Variants in GPHN observed in about 807,000 individuals in gnomAD.
GPHN encodes gephyrin.
In GPHN, 17 loss-of-function variants were observed where a neutral mutation model predicts 95.5. The observed-to-expected ratio is 0.18, with a 90% CI of 0.12 to 0.27. The LOEUF is 0.27. Among genes scored for constraint, GPHN ranks in the 10% least tolerant of loss-of-function variants. The probability of loss-of-function intolerance (pLI) is 1.00; values close to 1 mark genes in which losing one functional copy is unlikely to be tolerated. For synonymous variants in GPHN, 320 were observed against 322.5 expected, an observed-to-expected ratio of 0.99 and a Z score of 0.08; for missense variants, 660 against 978.1, an observed-to-expected ratio of 0.67 and a Z score of 4.34.
the GPHN span, among the ~76,000 whole-genome samples, chr14:67,356,774 T>C: frequency 0.15 from 23,548 of 152,094 alleles, 3,446 homozygotes; most frequent in East Asian, 0.42. Flanking sequence ...CACTGACTGG[T>C]CTCACAAGAG....
the GPHN span, among the ~76,000 whole-genome samples, chr14:67,329,275 CTT>C: frequency 1.3e-5 from 2 of 151,684 alleles, no homozygotes; most frequent in African/African-American, 4.9e-5. Flanking sequence ...TTGGCTCTCT[CTT>C]TGTCTGTTAT....
In GPHN at chr14:67,181,020, T is replaced by TC; in HGVS notation, c.*86dup. 7.4e-7 allele frequency: 1 copy of TC among 1,351,342 alleles called. No homozygotes were observed. The highest frequency in any genetic ancestry group is 1.1e-6 in the Non-Finnish European group (1 of 944,880). The allele number at this position is 1,351,342 out of a possible 1,614,324, so 83.7% of individuals were successfully genotyped here. A position where few individuals can be genotyped will look rare whatever the true frequency, so the allele number is the denominator to read the frequency against. On this transcript the variant is annotated 3_prime_UTR_variant, in exon 23 of 23. Coordinates refer to ENST00000478722, the MANE Select transcript of GPHN (RefSeq NM_020806.5). The stretch of plus-strand genomic sequence containing the variant: ...TAATATGCAACGGCACAGCTAGTTT[T>TC]CCCGATTTGGATAAAAGTTGATCTG...
the GPHN span, among the ~76,000 whole-genome samples, chr14:67,264,694 G>T: frequency 6.6e-6 from 1 of 151,778 alleles, no homozygotes; most frequent in Admixed American, 6.6e-5. Flanking sequence ...TGTTTTTTTC[G>T]AGCTCTTTTG....
At chr14:67,506,711 A>C in the GPHN span, among the ~76,000 whole-genome samples, 130,971 of 152,154 alleles carry the variant, frequency 0.86, 57,823 homozygotes, top group Non-Finnish European at 0.95. Flanking sequence ...TTGGGCCAGG[A>C]GTGGTGGCTC....
At chr14:66,767,033 C>A (rs936977559) in intron 2 of GPHN, among the ~76,000 whole-genome samples, 2 of 151,926 alleles carry the variant, frequency 1.3e-5, no homozygotes, top group African/African-American at 4.8e-5. Context: ...CCACCTTTGT[C>A]TTTATAAGTA....
intron 21 of GPHN, among the ~76,000 whole-genome samples, chr14:67,173,100 A>T (rs921462473): frequency 1.3e-5 from 2 of 152,154 alleles, no homozygotes; most frequent in African/African-American, 4.8e-5. Flanking sequence ...AAAGTCACAG[A>T]CCCTGGCTCT....
At chr14:66,595,722 G>A (rs993819067) in intron 1 of GPHN, among the ~76,000 whole-genome samples, 1 of 152,196 alleles carries the variant, frequency 6.6e-6, no homozygotes, top group Non-Finnish European at 1.5e-5. Flanking sequence ...GAGCCCCATT[G>A]AGGGTGTCAC....
chr14:67,716,268 AC>A, the GPHN span, among the ~76,000 whole-genome samples: 1 of 152,162 alleles, frequency 6.6e-6, no homozygotes, highest in East Asian at 1.9e-4. Flanking sequence ...TGACTGCTGT[AC>A]AGAAAAGGCA....
the GPHN span, chr14:67,702,048 C>G: frequency 6.6e-6 from 1 of 152,152 alleles, no homozygotes; most frequent in Admixed American, 6.5e-5. Flanking sequence ...AACTCCTGAT[C>G]TCAAATGATC....
In GPHN at chr14:66,777,083, T is replaced by TAA. The variant is rs763738096; in HGVS notation, c.201+574_201+575dup. Among the ~76,000 whole-genome samples, 540 of 107,408 alleles carry TAA rather than the reference T, an allele frequency of 5.0e-3. 1 individual carries two copies. Among genetic ancestry groups the TAA allele is most frequent in the African/African-American group, 0.017 (522 of 30,802 alleles). The allele number at this position is 107,408 out of a possible 152,430, so 70.5% of individuals were successfully genotyped here. ...ATTGATAGACCGCTAGCAAGACTAATAAAAAAAAAAAAAGAGAGAAGAATC... is the reference window on the plus strand; with the variant it reads ...ATTGATAGACCGCTAGCAAGACTAATAAAAAAAAAAAAAAAGAGAGAAGAATC... On this transcript the variant is annotated intron_variant, in intron 3 of 22. Coordinates refer to ENST00000478722, the MANE Select transcript of GPHN (RefSeq NM_020806.5).
intron 18 of GPHN, among the ~76,000 whole-genome samples, chr14:67,158,193 G>C (rs1183827987): frequency 6.6e-6 from 1 of 151,414 alleles, no homozygotes; most frequent in Non-Finnish European, 1.5e-5. Flanking sequence ...TGTAATCCCA[G>C]CTACTCGGGA....
chr14:67,083,164 C>T (rs987013899), intron 11 of GPHN, among the ~76,000 whole-genome samples: 5 of 152,244 alleles, frequency 3.3e-5, no homozygotes, highest in African/African-American at 9.6e-5. Context: ...CACACACCAA[C>T]GTGAGACCTC....
chr14:66,876,162 C>A (rs1352148721), intron 4 of GPHN, among the ~76,000 whole-genome samples: 1 of 152,010 alleles, frequency 6.6e-6, no homozygotes, highest in East Asian at 1.9e-4. Flanking sequence ...GGGTAAATAA[C>A]AAAATTAAGG....
intron 1 of GPHN, among the ~76,000 whole-genome samples, chr14:66,538,558 G>A (rs1213203865): frequency 6.6e-6 from 1 of 150,880 alleles, no homozygotes; most frequent in Non-Finnish European, 1.5e-5. Context: ...TATCCAATAA[G>A]TTTTAATAGC....
chr14:67,670,270 AGT>A, the GPHN span, among the ~76,000 whole-genome samples: 1 of 152,116 alleles, frequency 6.6e-6, no homozygotes, highest in Non-Finnish European at 1.5e-5. Context: ...TTCCATATCA[AGT>A]CCAAATGTCT....
At chr14:66,702,320 G>A (rs756843233) in intron 2 of GPHN, among the ~76,000 whole-genome samples, 1 of 152,154 alleles carries the variant, frequency 6.6e-6, no homozygotes, top group Non-Finnish European at 1.5e-5. Flanking sequence ...AACAGGTCCT[G>A]TTCCCTGTGC....
chr14:67,438,478 C>A, the GPHN span, among the ~76,000 whole-genome samples: 20 of 152,264 alleles, frequency 1.3e-4, no homozygotes, highest in South Asian at 3.7e-3. Context: ...AGCTATGTGA[C>A]CTTGGGCAGG....
the GPHN span, chr14:67,695,614 A>T: frequency 1.4e-5 from 22 of 1,606,792 alleles, 1 homozygote; most frequent in South Asian, 2.2e-4. Flanking sequence ...AGAGAAGGCA[A>T]TACATTTGCA....
chr14:67,275,379 ATG>A, the GPHN span, among the ~76,000 whole-genome samples: 30 of 152,264 alleles, frequency 2.0e-4, no homozygotes, highest in Non-Finnish European at 3.5e-4. Flanking sequence ...TGAGATAATC[ATG>A]TGGTTTTTGT....
Sources: allele counts gnomAD v4.1 joint callset (sites outside exome capture counted in the v4.1 genomes callset), GRCh38; gene constraint gnomAD v4.1.1; transcripts MANE v1.5; gene names NCBI Gene and HGNC (gene_info 2026-07-23, HGNC 2026-07-21).